The following SLC38A11 variants were observed in gnomAD, a reference collection of about 807,000 sequenced individuals.
SLC38A11 encodes putative sodium-coupled neutral amino acid transporter 11.
Under a neutral mutation model 49.4 loss-of-function variants are expected in SLC38A11, and 51 were observed. The observed-to-expected ratio is 1.03, with a 90% CI of 0.83 to 1.30. SLC38A11 has a LOEUF of 1.30. SLC38A11 is among the 50% of genes most tolerant of loss of function. SLC38A11 has a pLI of 0.00. For missense variants in SLC38A11, 574 were observed against 556.2 expected, an observed-to-expected ratio of 1.03 and a Z score of -0.32; for synonymous variants, 203 against 192.9, an observed-to-expected ratio of 1.05 and a Z score of -0.43.
At chr2:164,931,549 A>G (rs1333010753) in intron 7 of SLC38A11, among the ~76,000 whole-genome samples, 1 of 152,182 alleles carries the variant, frequency 6.6e-6, no homozygotes, top group East Asian at 1.9e-4. Flanking sequence ...TAAGCAAAAC[A>G]GCATGGTTCT....
At position 164,939,535 on chromosome 2, in the gene SLC38A11, A is replaced by G; in HGVS notation, c.452T>C (p.Ile151Thr). ...AAGTCCAATAATGAAGTGGCGACCA[A>G]TAAACACGTTTTCAGGATCAACTAA... ...IPGVDPENVF[I>T]GRHFIIGLST... The change falls in exon 6 of 12, where the codon ATT becomes ACT. Residue 151 changes from isoleucine to threonine, a missense_variant. Transcript: ENST00000685975. 6.2e-7 allele frequency: 1 copy of G among 1,609,616 alleles called. No individual in the cohort carries two copies. The highest frequency in any genetic ancestry group is 1.3e-5 in the African/African-American group (1 of 74,910).
chr2:164,910,745 C>T (rs1464159562), intron 10 of SLC38A11, among the ~76,000 whole-genome samples: 1 of 152,048 alleles, frequency 6.6e-6, no homozygotes, highest in African/African-American at 2.4e-5. Context: ...TATAAACAGC[C>T]TCTAGGAACA....
At chr2:164,919,494 A>G (rs1199627154) in intron 7 of SLC38A11, among the ~76,000 whole-genome samples, 1 of 152,224 alleles carries the variant, frequency 6.6e-6, no homozygotes, top group Non-Finnish European at 1.5e-5. Flanking sequence ...ACATTTAAAA[A>G]TACAAAGGTA....
chr2:164,945,995 C>A (rs16849964), intron 3 of SLC38A11, among the ~76,000 whole-genome samples: 1 of 151,980 alleles, frequency 6.6e-6, no homozygotes, highest in Non-Finnish European at 1.5e-5. Flanking sequence ...AAAACAGACT[C>A]GAGTCAAACT....
intron 7 of SLC38A11, among the ~76,000 whole-genome samples, chr2:164,933,095 CT>C (rs1276741355): frequency 6.6e-6 from 1 of 152,018 alleles, no homozygotes; most frequent in Non-Finnish European, 1.5e-5. Context: ...TATGGACTCA[CT>C]TTTTGGAATT....
At chr2:164,929,440 C>A (rs1252369560) in intron 7 of SLC38A11, among the ~76,000 whole-genome samples, 1 of 152,026 alleles carries the variant, frequency 6.6e-6, no homozygotes, top group Non-Finnish European at 1.5e-5. Context: ...TTTGTTATAG[C>A]CAATCAGAAC....
intron 8 of SLC38A11, chr2:164,915,614 AG>A (rs772224827): frequency 1.5e-4 from 66 of 426,566 alleles, no homozygotes; most frequent in Non-Finnish European, 2.3e-4. Flanking sequence ...GACATAATAA[AG>A]GGTTTGAAGA....
chr2:164,924,174 A>C (rs1324846083), intron 7 of SLC38A11, among the ~76,000 whole-genome samples: 2 of 152,210 alleles, frequency 1.3e-5, no homozygotes, highest in African/African-American at 4.8e-5. Context: ...AGCTACATGG[A>C]TGCAGCTTGG....
intron 11 of SLC38A11, among the ~76,000 whole-genome samples, chr2:164,907,086 T>C (rs1015973225): frequency 6.6e-6 from 1 of 152,140 alleles, no homozygotes; most frequent in African/African-American, 2.4e-5. Context: ...AGCCACTTTG[T>C]AGTGGTAGAA....
rs768412467 is a variant in SLC38A11 at position 164,915,892 on chromosome 2, C to G, written c.688+11G>C. On this transcript the variant is annotated intron_variant, in intron 8 of 11. Transcript: ENST00000685975. ...CACATTGAGAAAGGGCCTTTGAAAC[C>G]AAATACTCACCAAAAGACATAACCC... The G allele has an allele frequency of 6.3e-6, 10 of 1,591,604 alleles. No homozygotes were observed. Among genetic ancestry groups the G allele is most frequent in the Non-Finnish European group, 8.6e-6 (10 of 1,163,714 alleles).
chr2:164,949,691 T>C (rs570333635), intron 3 of SLC38A11, among the ~76,000 whole-genome samples: 2 of 152,318 alleles, frequency 1.3e-5, no homozygotes, highest in Admixed American at 6.5e-5. Context: ...GAACAAGATT[T>C]CACCAGGTAG....
intron 7 of SLC38A11, among the ~76,000 whole-genome samples, chr2:164,929,195 C>G (rs1295505993): frequency 6.6e-6 from 1 of 152,104 alleles, no homozygotes; most frequent in Non-Finnish European, 1.5e-5. Flanking sequence ...GGCTTCCACC[C>G]ATACCATTTG....
At chr2:164,902,959 A>T (rs10192920) in intron 11 of SLC38A11, among the ~76,000 whole-genome samples, 13 of 152,268 alleles carry the variant, frequency 8.5e-5, no homozygotes, top group Admixed American at 8.5e-4. Flanking sequence ...ATACAAATTA[A>T]TATCTACAAA....
At chr2:164,911,436 T>C (rs1471918598) in intron 10 of SLC38A11, among the ~76,000 whole-genome samples, 200 bp downstream of exon 10, 2 of 152,122 alleles carry the variant, frequency 1.3e-5, no homozygotes, top group Non-Finnish European at 2.9e-5. Flanking sequence ...ACCGAACTTT[T>C]GAAAAATTGT....
intron 8 of SLC38A11, chr2:164,915,560 C>G (rs1485675248): frequency 4.7e-6 from 2 of 424,654 alleles, no homozygotes; most frequent in East Asian, 7.0e-5. Context: ...TGAAGGAAAT[C>G]TTTTTCCCAT....
intron 5 of SLC38A11, among the ~76,000 whole-genome samples, chr2:164,941,163 G>A (rs1433142961): frequency 1.3e-5 from 2 of 151,920 alleles, no homozygotes; most frequent in Non-Finnish European, 2.9e-5. Context: ...ATGCACCCAA[G>A]TATGCATTTT....
intron 10 of SLC38A11, among the ~76,000 whole-genome samples, chr2:164,910,589 G>C (rs1452392193): frequency 6.6e-6 from 1 of 152,106 alleles, no homozygotes; most frequent in African/African-American, 2.4e-5. Context: ...TCCCTCTTCT[G>C]TTTCCCCGTG....
intron 7 of SLC38A11, among the ~76,000 whole-genome samples, chr2:164,933,092 T>C (rs1223808281): frequency 6.6e-6 from 1 of 152,130 alleles, no homozygotes; most frequent in Non-Finnish European, 1.5e-5. Flanking sequence ...AAGTATGGAC[T>C]CACTTTTTGG....
intron 11 of SLC38A11, among the ~76,000 whole-genome samples, chr2:164,905,145 T>G (rs1032159246): frequency 6.6e-6 from 1 of 151,824 alleles, no homozygotes; most frequent in Non-Finnish European, 1.5e-5. Flanking sequence ...TGAGATGGAG[T>G]CTTGCTTTGT....
Sources: allele counts gnomAD v4.1 joint callset (sites outside exome capture counted in the v4.1 genomes callset), GRCh38; gene constraint gnomAD v4.1.1; transcripts MANE v1.5; gene names NCBI Gene and HGNC (gene_info 2026-07-23, HGNC 2026-07-21).